PARD3B: variants seen among roughly 807,000 people sequenced by gnomAD.
The protein encoded by PARD3B is par-3 family cell polarity regulator beta, also known as partitioning defective 3 homolog B.
A neutral mutation model predicts 130.2 loss-of-function variants in PARD3B; 103 were observed. The ratio of observed to expected loss-of-function variants is 0.79; its 90% CI spans 0.67 to 0.93. The LOEUF (loss-of-function observed/expected upper bound fraction) is 0.93. Among genes scored for constraint, PARD3B ranks in the 40% least tolerant of loss-of-function variants. The probability of loss-of-function intolerance (pLI) is 0.00; values close to 1 mark genes in which losing one functional copy is unlikely to be tolerated. For synonymous variants in PARD3B, 583 were observed against 553.2 expected (o/e 1.05, Z -0.76); for missense variants, 1,609 against 1,499.2 (o/e 1.07, Z -1.21).
chr2:204,549,932 A>AC (rs2030319760), intron 1 of PARD3B, among the ~76,000 whole-genome samples: 1 of 152,162 alleles, frequency 6.6e-6, no homozygotes, highest in African/African-American at 2.4e-5. Context: ...TCATTAAAAA[A>AC]AAACAAACAA....
At position 205,476,005 on chromosome 2, in the gene PARD3B, A is replaced by C. The variant is rs143989318; in HGVS notation, c.3045-23891A>C. Among the ~76,000 whole-genome samples, 366 of 152,328 alleles carry C rather than the reference A, an allele frequency of 2.4e-3. 1 individual carries two copies. The highest frequency in any genetic ancestry group is 8.0e-3 in the African/African-American group (332 of 41,580). On this transcript the variant is annotated intron_variant, in intron 20 of 22. Transcript: ENST00000406610. The stretch of plus-strand genomic sequence containing the variant: ...TTAATTTTACACAGGAAAATAGATT[A>C]TCTGAAACTTGTGATCACAGTCGCT...
At chr2:204,991,265 C>G (rs1030806238) in intron 3 of PARD3B, among the ~76,000 whole-genome samples, 3 of 144,886 alleles carry the variant, frequency 2.1e-5, no homozygotes, top group Non-Finnish European at 3.0e-5. Context: ...TGTGATATTC[C>G]CCTTCCTGTG....
chr2:204,815,820 T>G (rs909342787), intron 2 of PARD3B, among the ~76,000 whole-genome samples: 1 of 152,018 alleles, frequency 6.6e-6, no homozygotes, highest in South Asian at 2.1e-4. Flanking sequence ...TAAATTTTTC[T>G]GGAGATGTTT....
chr2:205,566,334 AT>A (rs1374602576), intron 22 of PARD3B, among the ~76,000 whole-genome samples: 1 of 152,174 alleles, frequency 6.6e-6, no homozygotes, highest in Non-Finnish European at 1.5e-5. Context: ...CAGTTAGAGG[AT>A]TTTGCTGTCA....
Position 204,675,873 on chromosome 2 carries a change from G to T in PARD3B, c.121-10308G>T, listed in dbSNP as rs1251945951. ...CTGTAGAAACAAATTCCCTGGAATT[G>T]TTGGTGCTTTTATATTGCAATTATT... On this transcript the variant is annotated intron_variant, in intron 1 of 22. Coordinates refer to ENST00000406610, the MANE Select transcript of PARD3B (RefSeq NM_001302769.2). This position sits in a 1 kb window ranked among gnomAD's most constrained non-coding sequence, Gnocchi z 4.4. Among the ~76,000 whole-genome samples, 1 of 152,196 alleles carries T rather than the reference G, an allele frequency of 6.6e-6. No homozygotes were observed. Among genetic ancestry groups the T allele is most frequent in the African/African-American group, 2.4e-5 (1 of 41,452 alleles).
At chr2:205,476,566 A>G (rs1030919471) in intron 20 of PARD3B, among the ~76,000 whole-genome samples, 1 of 152,126 alleles carries the variant, frequency 6.6e-6, no homozygotes, top group Non-Finnish European at 1.5e-5. Flanking sequence ...GCATAGCATG[A>G]TTATTCCTGT....
chr2:204,779,539 T>C (rs933043131), intron 2 of PARD3B, among the ~76,000 whole-genome samples: 4 of 152,216 alleles, frequency 2.6e-5, no homozygotes, highest in Admixed American at 6.5e-5. Context: ...TGGAACATTC[T>C]GATGATCTGA....
intron 2 of PARD3B, among the ~76,000 whole-genome samples, chr2:204,914,939 G>T (rs1055016486): frequency 6.6e-6 from 1 of 152,170 alleles, no homozygotes; most frequent in Non-Finnish European, 1.5e-5. Flanking sequence ...GAGTCATTGG[G>T]CTGGGTTTTA....
At chr2:205,058,444 C>T (rs1016591976) in intron 4 of PARD3B, among the ~76,000 whole-genome samples, 9 of 151,766 alleles carry the variant, frequency 5.9e-5, no homozygotes, top group East Asian at 1.9e-4. Context: ...CATTTCTTTC[C>T]GGGAGATGTC....
intron 2 of PARD3B, among the ~76,000 whole-genome samples, chr2:204,801,820 T>C (rs1575018488): frequency 6.6e-6 from 1 of 152,194 alleles, no homozygotes; most frequent in Admixed American, 6.6e-5. Context: ...TTTTCCCATT[T>C]AGTATGATAT....
chr2:205,442,290 CTTTTTTTTTT>C (rs71410814), intron 20 of PARD3B, among the ~76,000 whole-genome samples: 1 of 105,994 alleles, frequency 9.4e-6, no homozygotes, highest in Non-Finnish European at 1.8e-5. Flanking sequence ...ACAGGTTTTC[CTTTTTTTTTT>C]TTTTTTTTTT....
chr2:205,013,668 A>G (rs1451759440), intron 3 of PARD3B, among the ~76,000 whole-genome samples: 5 of 152,216 alleles, frequency 3.3e-5, no homozygotes, highest in African/African-American at 1.2e-4. Context: ...CAGAAACAAA[A>G]GCAAAAAATC....
chr2:205,518,514 G>A (rs955970933), intron 21 of PARD3B, among the ~76,000 whole-genome samples: 1 of 152,020 alleles, frequency 6.6e-6, no homozygotes, highest in Admixed American at 6.6e-5. Flanking sequence ...GCTGTCATTC[G>A]GTCTTACTTT....
intron 2 of PARD3B, among the ~76,000 whole-genome samples, chr2:204,902,516 A>T (rs2046898854): frequency 6.6e-6 from 1 of 151,908 alleles, no homozygotes; most frequent in African/African-American, 2.4e-5. Context: ...AAAAATACAA[A>T]ACATTAGCCG....
At chr2:204,959,238 C>A (rs1258149076) in intron 2 of PARD3B, among the ~76,000 whole-genome samples, 1 of 152,148 alleles carries the variant, frequency 6.6e-6, no homozygotes, top group Non-Finnish European at 1.5e-5. Flanking sequence ...GTTTGGTTTT[C>A]TGTTCCTGTG....
rs188633198 is a variant in PARD3B, at chr2:204,581,383, T to A, written c.120+35264T>A. On this transcript the variant is annotated intron_variant, in intron 1 of 22. Transcript: ENST00000406610. Reference sequence around the variant, plus strand: ...CATAGTCATTAAAGCCTTGCCGTGTTCTTGTTATGAACTGATAAATGCTTT... The same window carrying A: ...CATAGTCATTAAAGCCTTGCCGTGTACTTGTTATGAACTGATAAATGCTTT... Among the ~76,000 whole-genome samples the A allele has an allele frequency of 3.4e-3, 523 of 152,354 alleles. 3 individuals carry two copies. Among genetic ancestry groups the A allele is most frequent in the Middle Eastern group, 6.8e-3 (2 of 294 alleles).
chr2:205,176,419 A>G lies in PARD3B; in HGVS notation c.1792-26A>G. 1.3e-6 allele frequency: 2 copies of G among 1,577,064 alleles called. No individual in the cohort carries two copies. The highest frequency in any genetic ancestry group is 1.7e-6 in the Non-Finnish European group (2 of 1,164,808). On this transcript the variant is annotated intron_variant, in intron 12 of 22. Transcript: ENST00000406610. The surrounding 1 kb of genome is among the most constrained non-coding windows in gnomAD (Gnocchi z 5.3). Reference sequence around the variant, plus strand: ...AAGTTGGAACATATTAAAAATGCAAATGTAATTTTTACTTTTATCTCTTAG... The same window carrying G: ...AAGTTGGAACATATTAAAAATGCAAGTGTAATTTTTACTTTTATCTCTTAG...
intron 18 of PARD3B, among the ~76,000 whole-genome samples, chr2:205,307,420 T>C (rs962839550): frequency 6.6e-6 from 1 of 152,208 alleles, no homozygotes; most frequent in Non-Finnish European, 1.5e-5. Flanking sequence ...TGGAAAAATA[T>C]GCAGCTCAAG....
intron 20 of PARD3B, among the ~76,000 whole-genome samples, chr2:205,492,534 T>C (rs1559144131): frequency 6.6e-6 from 1 of 152,154 alleles, no homozygotes; most frequent in Non-Finnish European, 1.5e-5. Context: ...ATAGTGACAG[T>C]AAATTTGGGA....
Sources: allele counts gnomAD v4.1 joint callset (sites outside exome capture counted in the v4.1 genomes callset), GRCh38; gene constraint gnomAD v4.1.1; non-coding constraint Gnocchi (gnomAD v3.1); transcripts MANE v1.5; gene names NCBI Gene and HGNC (gene_info 2026-07-23, HGNC 2026-07-21).